The following CFI variants were observed in gnomAD, a reference collection of about 807,000 sequenced individuals.
CFI encodes the protein complement factor I.
A neutral mutation model predicts 78.8 loss-of-function variants in CFI; 66 were observed. That is an observed-to-expected ratio of 0.84 (90% CI 0.69 to 1.03). The LOEUF (loss-of-function observed/expected upper bound fraction) is 1.03, where lower values mean the gene tolerates loss of function less well. Among genes scored for constraint, CFI ranks in the 50% least tolerant of loss-of-function variants. The pLI, the probability that CFI is intolerant of heterozygous loss-of-function variation, is 0.00. For missense variants in CFI, 706 were observed against 704.5 expected, an observed-to-expected ratio of 1.00 and a Z score of -0.02; for synonymous variants, 250 against 232.6, an observed-to-expected ratio of 1.07 and a Z score of -0.68.
chr4:109,760,175 C>T (rs1336654194), intron 6 of CFI, 95 bp downstream of exon 6: 1 of 832,912 alleles, frequency 1.2e-6, no homozygotes, highest in Admixed American at 1.8e-5. Flanking sequence ...CTACACCCAT[C>T]TATGTTCCCC....
intron 8 of CFI, among the ~76,000 whole-genome samples, chr4:109,752,134 G>T (rs759694683): frequency 6.6e-6 from 1 of 152,120 alleles, no homozygotes; most frequent in African/African-American, 2.4e-5. Context: ...AAAAAATTAT[G>T]TCATGAGTCA....
intron 1 of CFI, among the ~76,000 whole-genome samples, chr4:109,776,390 A>T (rs1729243218): frequency 1.3e-5 from 2 of 152,240 alleles, no homozygotes; most frequent in Admixed American, 1.3e-4. Context: ...AGATCAAATG[A>T]ATGAAATGAA....
intron 1 of CFI, among the ~76,000 whole-genome samples, chr4:109,792,202 G>T (rs1326257869): frequency 2.0e-5 from 3 of 152,156 alleles, no homozygotes; most frequent in Admixed American, 6.5e-5. Context: ...GGCTTATAGT[G>T]TTGTTCAAGT....
At chr4:109,779,574 A>T (rs1729721509) in intron 1 of CFI, among the ~76,000 whole-genome samples, 5 of 152,192 alleles carry the variant, frequency 3.3e-5, no homozygotes, top group Admixed American at 2.6e-4. Context: ...TAATTTATAG[A>T]TTCAATGCCA....
At chr4:109,797,028 C>T (rs2125874205) in intron 1 of CFI, among the ~76,000 whole-genome samples, 1 of 152,236 alleles carries the variant, frequency 6.6e-6, no homozygotes, top group East Asian at 1.9e-4. Flanking sequence ...GATACAATCC[C>T]TACCAAAATT....
At chr4:109,799,780 A>G (rs534856069) in intron 1 of CFI, among the ~76,000 whole-genome samples, 1 of 152,344 alleles carries the variant, frequency 6.6e-6, no homozygotes, top group South Asian at 2.1e-4. Flanking sequence ...CAATGTGTGA[A>G]CTTGTTTTAA....
At chr4:109,799,682 C>T (rs141769646) in intron 1 of CFI, among the ~76,000 whole-genome samples, 74 of 152,318 alleles carry the variant, frequency 4.9e-4, no homozygotes, top group South Asian at 8.3e-4. Context: ...GTAAGAGAAA[C>T]AGTTTGTATT....
intron 1 of CFI, among the ~76,000 whole-genome samples, chr4:109,774,466 A>G (rs757429821): frequency 6.6e-6 from 1 of 152,128 alleles, no homozygotes; most frequent in Admixed American, 6.5e-5. Context: ...CAAGGGCAAG[A>G]GCTCTGGGGA....
At chr4:109,735,918 T>C (rs1393627217), downstream of CFI, among the ~76,000 whole-genome samples, 1 of 152,242 alleles carries the variant, frequency 6.6e-6, no homozygotes, top group African/African-American at 2.4e-5. Flanking sequence ...TTAATCAAAT[T>C]GTGACAGGTT....
chr4:109,785,113 C>T (rs1730577390), intron 1 of CFI, among the ~76,000 whole-genome samples: 1 of 152,050 alleles, frequency 6.6e-6, no homozygotes. Flanking sequence ...ACTCCACTGT[C>T]TGTCCCAAAC....
chr4:109,782,094 T>C (rs1479330862), intron 1 of CFI, among the ~76,000 whole-genome samples: 2 of 152,124 alleles, frequency 1.3e-5, no homozygotes, highest in Non-Finnish European at 2.9e-5. Context: ...CTCTGAGAAC[T>C]GGAACAAGAC....
intron 1 of CFI, among the ~76,000 whole-genome samples, chr4:109,796,609 C>G (rs1393583278): frequency 1.3e-5 from 2 of 152,268 alleles, no homozygotes; most frequent in Admixed American, 6.5e-5. Context: ...TGAGACTAGT[C>G]TGGGCAACAT....
Position 109,771,714 on chromosome 4 carries a change from C to CAAAAAAAAA in CFI, c.58-4899_58-4891dup, listed in dbSNP as rs149565381. Among the ~76,000 whole-genome samples, 43 of 18,128 alleles carry CAAAAAAAAA rather than the reference C, an allele frequency of 2.4e-3. 7 individuals are homozygous for CAAAAAAAAA. The highest frequency in any genetic ancestry group is 3.3e-3 in the Non-Finnish European group (28 of 8,468). The allele number at this position is 18,128 out of a possible 152,430, so 11.9% of individuals were successfully genotyped here. ...GGGCAACACAGCAAGACTCCATCAC[C>CAAAAAAAAA]AAAAAAAAAAAAAAAAAAAAAAAAA... On this transcript the variant is annotated intron_variant, in intron 1 of 12. Transcript: ENST00000394634.
intron 7 of CFI, among the ~76,000 whole-genome samples, chr4:109,754,979 T>C (rs1299603065): frequency 1.3e-5 from 2 of 152,106 alleles, no homozygotes; most frequent in African/African-American, 4.8e-5. Context: ...CTCACATGGA[T>C]AGAGTTCACA....
At chr4:109,785,780 T>C (rs1403687664) in intron 1 of CFI, among the ~76,000 whole-genome samples, 1 of 152,038 alleles carries the variant, frequency 6.6e-6, no homozygotes, top group Non-Finnish European at 1.5e-5. Context: ...GTTCTTGTAA[T>C]AGCGAGTGAA....
intron 1 of CFI, among the ~76,000 whole-genome samples, chr4:109,773,737 A>G (rs1728874706): frequency 6.6e-6 from 1 of 152,228 alleles, no homozygotes; most frequent in South Asian, 2.1e-4. Context: ...GAGCTGAAAT[A>G]GGAGACTATC....
chr4:109,773,995 A>G (rs950973730), intron 1 of CFI, among the ~76,000 whole-genome samples: 1 of 152,274 alleles, frequency 6.6e-6, no homozygotes, highest in African/African-American at 2.4e-5. Context: ...ATCTTGGGAT[A>G]TATGAAAGAA....
intron 6 of CFI, chr4:109,758,047 T>C: frequency 2.1e-6 from 2 of 975,132 alleles, no homozygotes; most frequent in Non-Finnish European, 2.9e-6. Context: ...TTCAGACTAG[T>C]ACAACTTAAT....
rs1186130169 is a variant in CFI at position 109,766,547 on chromosome 4, T to C, written c.328+7A>G. The C allele has an allele frequency of 6.2e-7, 1 of 1,614,044 alleles. No homozygotes were observed. The highest frequency in any genetic ancestry group is 1.3e-5 in the African/African-American group (1 of 74,944). The stretch of plus-strand genomic sequence containing the variant: ...ATAGAATGACTTGAAAACTAGTCTC[T>C]TGCTACCTTCGGCTGTGCATGTTCC... On this transcript the variant is annotated splice_region_variant and intron_variant, in intron 2 of 12. Coordinates refer to ENST00000394634, the MANE Select transcript of CFI (RefSeq NM_000204.5).
Sources: gnomAD v4.1 joint callset for allele counts (sites outside exome capture counted in the v4.1 genomes callset) on GRCh38, gnomAD v4.1.1 for gene constraint, MANE v1.5 for transcripts, NCBI Gene and HGNC (gene_info 2026-07-23, HGNC 2026-07-21) for gene names.